Variants in CD2 observed in about 807,000 individuals in gnomAD.
CD2 encodes T-cell surface antigen CD2.
CD2 carries 18 observed loss-of-function variants against 23.2 expected under a neutral mutation model. The observed-to-expected ratio is 0.77, with a 90% CI of 0.54 to 1.15. The LOEUF (loss-of-function observed/expected upper bound fraction) is 1.15. CD2 is among the 50% of genes most tolerant of loss of function. The probability of loss-of-function intolerance (pLI) is 0.00; values close to 1 mark genes in which losing one functional copy is unlikely to be tolerated. For synonymous variants in CD2, 162 were observed against 151.9 expected (o/e 1.07, Z -0.49); for missense variants, 424 against 423.1 (o/e 1.00, Z -0.02).
chr1:116,758,720 A>T (rs3136702), intron 2 of CD2, among the ~76,000 whole-genome samples: 1 of 151,990 alleles, frequency 6.6e-6, no homozygotes, highest in Non-Finnish European at 1.5e-5. Flanking sequence ...CATTTGGGTC[A>T]CATTTAGCAT....
intron 2 of CD2, among the ~76,000 whole-genome samples, chr1:116,757,748 T>TAG (rs1280743275): frequency 6.7e-6 from 1 of 150,332 alleles, no homozygotes; most frequent in Admixed American, 6.8e-5. Context: ...TACATATATA[T>TAG]ATATAGAGAG....
chr1:116,763,349 G>A (rs571181135), intron 3 of CD2, among the ~76,000 whole-genome samples: 3 of 152,134 alleles, frequency 2.0e-5, no homozygotes, highest in Non-Finnish European at 4.4e-5. Flanking sequence ...GTGTCTCCCT[G>A]GTATGTTTTT....
At chr1:116,758,245 G>A (rs1651923022) in intron 2 of CD2, among the ~76,000 whole-genome samples, 1 of 152,060 alleles carries the variant, frequency 6.6e-6, no homozygotes. Context: ...AAAGCCCACG[G>A]ATGCTGGGCA....
At chr1:116,761,162 G>T (rs747872905) in intron 3 of CD2, among the ~76,000 whole-genome samples, 4 of 152,172 alleles carry the variant, frequency 2.6e-5, no homozygotes, top group Non-Finnish European at 5.9e-5. Context: ...CACACAACAG[G>T]ACGGCAAGGC....
At chr1:116,755,145 C>T (rs1390936841) in intron 2 of CD2, 194 bp downstream of exon 2, 2 of 593,414 alleles carry the variant, frequency 3.4e-6, no homozygotes, top group Non-Finnish European at 6.0e-6. Flanking sequence ...CTGATAGACC[C>T]TCAAGTCTAC....
chr1:116,765,482 T>G (rs1268023325), intron 4 of CD2, among the ~76,000 whole-genome samples: 4 of 152,164 alleles, frequency 2.6e-5, no homozygotes, highest in Non-Finnish European at 5.9e-5. Flanking sequence ...TTTGGCTTCT[T>G]TACCTCAGAT....
At chr1:116,757,915 G>A (rs115328806) in intron 2 of CD2, among the ~76,000 whole-genome samples, 1,880 of 151,800 alleles carry the variant, frequency 0.012, 26 homozygotes, top group African/African-American at 0.035. Context: ...GATTAGAGGC[G>A]CATGCCAACA....
Position 116,754,537 on chromosome 1 carries a change from C to T in CD2, c.45C>T (p.Phe15=), listed in dbSNP as rs1651770713. ...CKFVASFLLI[F]NVSSKGAVSK... is the part of the protein sequence containing the mutation. ...TTGTAGCCAGCTTCCTTCTGATTTT[C>T]AATGTTTCTTCCAAAGGTAAGCATA... Residue 15 remains phenylalanine (F), a synonymous_variant, in exon 1 of 5, where the codon TTC becomes TTT. Coordinates refer to ENST00000369478, the MANE Select transcript of CD2 (RefSeq NM_001767.5). 1.2e-6 allele frequency: 2 copies of T among 1,613,996 alleles called. No individual in the cohort carries two copies. The highest frequency in any genetic ancestry group is 4.5e-5 in the East Asian group (2 of 44,878).
chr1:116,761,394 C>A (rs1652049540), intron 3 of CD2, among the ~76,000 whole-genome samples: 1 of 152,100 alleles, frequency 6.6e-6, no homozygotes, highest in African/African-American at 2.4e-5. Flanking sequence ...AGCTTCCTGG[C>A]CCACAAAGAA....
intron 2 of CD2, among the ~76,000 whole-genome samples, chr1:116,755,809 G>A: frequency 6.6e-6 from 1 of 152,152 alleles, no homozygotes; most frequent in East Asian, 1.9e-4. Flanking sequence ...GCAAGGGAGA[G>A]AAGGTAGAGA....
chr1:116,756,867 A>G (rs904486772), intron 2 of CD2, among the ~76,000 whole-genome samples: 2 of 152,254 alleles, frequency 1.3e-5, no homozygotes, highest in Middle Eastern at 3.4e-3. Flanking sequence ...TGCTTTTCCA[A>G]TGACAACTTC....
At chr1:116,764,003 G>T (rs1652134381) in intron 3 of CD2, among the ~76,000 whole-genome samples, 1 of 152,058 alleles carries the variant, frequency 6.6e-6, no homozygotes, top group Non-Finnish European at 1.5e-5. Context: ...ATGGTGCAGT[G>T]GGGGTAGCCA....
In CD2 at chr1:116,754,797, G is replaced by T. The variant is rs1361232183; in HGVS notation, c.228G>T (p.Glu76Asp). ...TTGCACAATTCAGAAAAGAGAAAGA[G>T]ACTTTCAAGGAAAAAGATACATATA... The part of the protein sequence containing the change: ...KKIAQFRKEK[E>D]TFKEKDTYKL... Residue 76 changes from glutamate (E) to aspartate (D), a missense_variant, in exon 2 of 5, where the codon GAG becomes GAT. Physicochemically the swap from Glu to Asp is conservative, Grantham distance 45. Coordinates refer to ENST00000369478, the MANE Select transcript of CD2 (RefSeq NM_001767.5). 1 of 1,613,124 alleles carries T rather than the reference G, an allele frequency of 6.2e-7. No homozygotes were observed. Among genetic ancestry groups the T allele is most frequent in the Non-Finnish European group, 8.5e-7 (1 of 1,179,714 alleles).
rs2101152578 is a variant in CD2, at chr1:116,754,931, T to C, written c.362T>C (p.Ile121Thr). Reference protein sequence around the residue: ...DTKGKNVLEKIFDLKIQERVS... With the variant: ...DTKGKNVLEKTFDLKIQERVS... ...AAAGGAAAAAATGTGTTGGAAAAAA[T>C]ATTTGATTTGAAGATTCAAGGTAAG... Residue 121 changes from isoleucine to threonine, a missense_variant, in exon 2 of 5, where the codon ATA becomes ACA. Ile to Thr is a moderately conservative substitution (Grantham distance 89). Coordinates refer to ENST00000369478, the MANE Select transcript of CD2 (RefSeq NM_001767.5). 1 of 1,594,174 alleles carries C rather than the reference T, an allele frequency of 6.3e-7. No individual in the cohort carries two copies. The highest frequency in any genetic ancestry group is 1.4e-5 in the African/African-American group (1 of 73,836).
At chr1:116,757,265 G>A (rs1004956269) in intron 2 of CD2, among the ~76,000 whole-genome samples, 4 of 152,042 alleles carry the variant, frequency 2.6e-5, no homozygotes, top group Non-Finnish European at 4.4e-5. Flanking sequence ...CCAAAGTGCT[G>A]GGATTACAGG....
intron 4 of CD2, among the ~76,000 whole-genome samples, chr1:116,765,936 A>G (rs1311766617): frequency 2.6e-5 from 4 of 152,280 alleles, no homozygotes; most frequent in Admixed American, 1.3e-4. Context: ...GGAGATAGAT[A>G]ACAACACAGA....
chr1:116,754,564 GA>G lies in CD2; in HGVS notation c.61+12del. ...ATGTTTCTTCCAAAGGTAAGCATAA[GA>G]GTCAAAGAAGTCCCAACCCAGCTTT... is the stretch of plus-strand genomic sequence containing the variant. On this transcript the variant is annotated intron_variant, in intron 1 of 4. Transcript: ENST00000369478. 1 of 1,612,726 alleles carries G rather than the reference GA, an allele frequency of 6.2e-7. No homozygotes were observed. The highest frequency in any genetic ancestry group is 8.5e-7 in the Non-Finnish European group (1 of 1,179,606).
In CD2 at chr1:116,768,599, A is replaced by G. The variant is rs1652291489; in HGVS notation, c.872A>G (p.Gln291Arg). The G allele has an allele frequency of 3.7e-6, 6 of 1,613,898 alleles. No individual in the cohort carries two copies. The African/African-American group carries it at 4.0e-5, about 11-fold the overall frequency. The change falls in exon 5 of 5, where the codon CAG becomes CGG. Residue 291 changes from glutamine to arginine, a missense_variant. Physicochemically the swap from Gln to Arg is conservative, Grantham distance 43 (BLOSUM62 1). Transcript: ENST00000369478. ...CCTCCACCACCTGGTCATCGTTCCC[A>G]GGCACCTAGTCATCGTCCCCCGCCT... ...HPPPPPGHRS[Q>R]APSHRPPPPG...
chr1:116,762,297 T>G (rs1652079386), intron 3 of CD2, among the ~76,000 whole-genome samples: 1 of 151,976 alleles, frequency 6.6e-6, no homozygotes, highest in South Asian at 2.1e-4. Context: ...ACTTTTCATG[T>G]TTATTTTAAC....
Sources: allele counts gnomAD v4.1 joint callset (sites outside exome capture counted in the v4.1 genomes callset), GRCh38; gene constraint gnomAD v4.1.1; transcripts MANE v1.5; gene names NCBI Gene and HGNC (gene_info 2026-07-23, HGNC 2026-07-21).